The following PAICS variants were observed in gnomAD, a reference collection of about 807,000 sequenced individuals.
PAICS encodes the protein phosphoribosylaminoimidazole carboxylase and phosphoribosylaminoimidazolesuccinocarboxamide synthase.
PAICS carries 33 observed loss-of-function variants against 53.7 expected under a neutral mutation model. The ratio of observed to expected loss-of-function variants is 0.61; its 90% confidence interval spans 0.47 to 0.82. PAICS has a LOEUF of 0.82. PAICS is among the 40% of genes least tolerant of loss of function. PAICS has a pLI of 0.00. For synonymous variants in PAICS, 141 were observed against 167.2 expected (o/e 0.84, Z 1.21); for missense variants, 394 against 494.1 (o/e 0.80, Z 1.92).
chr4:56,423,112 C>G, the PAICS span: 1 of 152,222 alleles, frequency 6.6e-6, no homozygotes, highest in Non-Finnish European at 1.5e-5. Context: ...ACCAAGCCCC[C>G]AAGCTGAAGT....
chr4:56,457,620 C>T (rs979448384), intron 8 of PAICS, among the ~76,000 whole-genome samples: 6 of 150,122 alleles, frequency 4.0e-5, no homozygotes. Context: ...TAATGTCAGT[C>T]ATGTTGCTTC....
chr4:56,419,523 G>A, the PAICS span: 1 of 276,098 alleles, frequency 3.6e-6, no homozygotes, highest in Non-Finnish European at 5.5e-6. Flanking sequence ...TCCTATGGAG[G>A]AAACTGCTTT....
At chr4:56,432,132 C>T (rs954318815), upstream of PAICS, among the ~76,000 whole-genome samples, 2 of 152,028 alleles carry the variant, frequency 1.3e-5, no homozygotes, top group Non-Finnish European at 2.9e-5. Context: ...TCTGTTAACC[C>T]CAGGACTAAA....
upstream of PAICS, chr4:56,435,973 G>A (rs766801836): frequency 6.6e-6 from 10 of 1,514,588 alleles, no homozygotes; most frequent in South Asian, 1.1e-5. Context: ...AGAAGGGGCC[G>A]GGGTATGCGA....
chr4:56,417,842 G>GTT, the PAICS span, among the ~76,000 whole-genome samples: 2,738 of 136,102 alleles, frequency 0.02, 43 homozygotes, highest in Non-Finnish European at 0.033. Context: ...TTGGTTTTTT[G>GTT]TTTTTTTTTT....
chr4:56,457,757 C>T (rs1242603568), intron 8 of PAICS, among the ~76,000 whole-genome samples: 6 of 149,578 alleles, frequency 4.0e-5, no homozygotes, highest in Non-Finnish European at 5.9e-5. Flanking sequence ...TCAAGCGATT[C>T]TCCTGCCTCA....
chr4:56,449,203 C>T (rs538087197), intron 5 of PAICS, among the ~76,000 whole-genome samples: 2 of 152,200 alleles, frequency 1.3e-5, no homozygotes, highest in South Asian at 4.1e-4. Context: ...CATTTCTGCT[C>T]CTATATAAAA....
chr4:56,414,857 C>G, the PAICS span, among the ~76,000 whole-genome samples: 1 of 152,126 alleles, frequency 6.6e-6, no homozygotes, highest in East Asian at 1.9e-4. Context: ...CTGTTTTCAA[C>G]CAAATCTAAA....
At chr4:56,418,980 C>G in the PAICS span, among the ~76,000 whole-genome samples, 2 of 152,196 alleles carry the variant, frequency 1.3e-5, no homozygotes, top group Non-Finnish European at 2.9e-5. Context: ...TTTAGTCTTT[C>G]TGTAATTTTC....
chr4:56,452,076 T>C, intron 7 of PAICS, 24 bp downstream of exon 7: 1 of 1,447,922 alleles, frequency 6.9e-7, no homozygotes, highest in Middle Eastern at 1.8e-4. Flanking sequence ...AATATGGACA[T>C]TTCAGGTATT....
chr4:56,423,213 C>T, the PAICS span: 1 of 152,230 alleles, frequency 6.6e-6, no homozygotes, highest in South Asian at 2.1e-4. Context: ...ATTTAACAAA[C>T]TAGTTAATCA....
chr4:56,455,327 T>C (rs1719138074), intron 8 of PAICS, among the ~76,000 whole-genome samples: 1 of 152,206 alleles, frequency 6.6e-6, no homozygotes, highest in Non-Finnish European at 1.5e-5. Context: ...ATTACTAAAA[T>C]CCCTAACTTT....
chr4:56,413,569 T>C, the PAICS span, among the ~76,000 whole-genome samples: 1 of 152,200 alleles, frequency 6.6e-6, no homozygotes, highest in Admixed American at 6.5e-5. Flanking sequence ...GGAGTATTGA[T>C]GGGAAGAAGG....
intron 2 of PAICS, among the ~76,000 whole-genome samples, chr4:56,445,261 T>C (rs888124292): frequency 6.8e-6 from 1 of 148,100 alleles, no homozygotes; most frequent in African/African-American, 2.5e-5. Context: ...AAATTACTTC[T>C]TTGAGCCTCT....
chr4:56,457,703 T>C (rs968546499), intron 8 of PAICS, among the ~76,000 whole-genome samples: 26 of 151,326 alleles, frequency 1.7e-4, no homozygotes, highest in African/African-American at 6.3e-4. Context: ...TTCGCTCCTG[T>C]TGCCCAGGCT....
chr4:56,438,933 A>G (rs1298528616), intron 1 of PAICS, among the ~76,000 whole-genome samples: 1 of 152,190 alleles, frequency 6.6e-6, no homozygotes, highest in African/African-American at 2.4e-5. Flanking sequence ...CTTTGTGTAA[A>G]TTCTGTGCTT....
chr4:56,418,960 T>G, the PAICS span, among the ~76,000 whole-genome samples: 1 of 152,244 alleles, frequency 6.6e-6, no homozygotes, highest in African/African-American at 2.4e-5. Context: ...AATACTTCAT[T>G]TAAAATGGCT....
upstream of PAICS, among the ~76,000 whole-genome samples, chr4:56,432,740 G>A (rs1170517488): frequency 6.7e-6 from 1 of 148,220 alleles, no homozygotes; most frequent in East Asian, 2.0e-4. Context: ...AGGGGAGACT[G>A]CGCCACTGAA....
At chr4:56,420,044 G>A in the PAICS span, 1 of 971,744 alleles carries the variant, frequency 1.0e-6, no homozygotes, top group Non-Finnish European at 1.2e-6. Context: ...GAGAGGACCA[G>A]ACAGGTAGGA....
Sources: gnomAD v4.1 joint callset for allele counts (sites outside exome capture counted in the v4.1 genomes callset) on GRCh38, gnomAD v4.1.1 for gene constraint, MANE v1.5 for transcripts, NCBI Gene and HGNC (gene_info 2026-07-23, HGNC 2026-07-21) for gene names.